CEP192: variants seen among roughly 807,000 people sequenced by gnomAD.
The protein encoded by CEP192 is centrosomal protein of 192 kDa.
In CEP192, 151 loss-of-function variants were observed where a neutral mutation model predicts 271.8. The observed-to-expected ratio is 0.56, with a 90% CI of 0.49 to 0.64. The LOEUF (loss-of-function observed/expected upper bound fraction) is 0.64, where lower values mean the gene tolerates loss of function less well. Ranked by LOEUF, CEP192 falls within the 30% of genes least tolerant of loss-of-function variation. CEP192 has a pLI of 0.00. For synonymous variants in CEP192, 995 were observed against 1,076.5 expected (o/e 0.92, Z 1.48); for missense variants, 2,910 against 3,020.5 (o/e 0.96, Z 0.86).
At chr18:13,025,704 T>C (rs2035257047) in intron 9 of CEP192, among the ~76,000 whole-genome samples, 1 of 152,224 alleles carries the variant, frequency 6.6e-6, no homozygotes, top group Admixed American at 6.5e-5. Context: ...GTAATGATAA[T>C]AACAAAATAT....
chr18:13,012,737 G>A (rs1279726309), intron 4 of CEP192, among the ~76,000 whole-genome samples: 1 of 152,126 alleles, frequency 6.6e-6, no homozygotes, highest in Non-Finnish European at 1.5e-5. Context: ...GCAAAAGTTA[G>A]CTGTAAAGTC....
chr18:13,124,459 TTTGTG>T (rs2040813902), intron 44 of CEP192, 168 bp from the exon 45 acceptor site: 2 of 544,016 alleles, frequency 3.7e-6, no homozygotes, highest in Non-Finnish European at 6.1e-6. Context: ...TTTTCTCTCC[TTTGTG>T]TTATTTTCTC....
intron 42 of CEP192, among the ~76,000 whole-genome samples, chr18:13,116,061 C>T (rs749846237): frequency 2.0e-5 from 3 of 152,142 alleles, no homozygotes; most frequent in Non-Finnish European, 4.4e-5. Context: ...TAGTGAAGTA[C>T]AGTCGGTACT....
At chr18:13,087,387 A>G (rs1421432076) in intron 31 of CEP192, 110 bp downstream of exon 31, 40 of 1,092,732 alleles carry the variant, frequency 3.7e-5, no homozygotes, top group Middle Eastern at 3.1e-4. Flanking sequence ...ATGTAGGAAT[A>G]GAAGTACTTA....
At chr18:13,121,987 TC>T (rs1267413536) in intron 44 of CEP192, among the ~76,000 whole-genome samples, 3 of 152,252 alleles carry the variant, frequency 2.0e-5, no homozygotes, top group African/African-American at 7.2e-5. Context: ...TGGAAACTGT[TC>T]CTTTAAAAAA....
At chr18:13,014,980 C>G (rs2145928795) in intron 5 of CEP192, among the ~76,000 whole-genome samples, 1 of 152,300 alleles carries the variant, frequency 6.6e-6, no homozygotes, top group Non-Finnish European at 1.5e-5. Flanking sequence ...GCTGCCTGGT[C>G]TAGCTTTGCT....
At position 13,030,464 on chromosome 18, in the gene CEP192, G is replaced by A. The variant is rs748393007; in HGVS notation, c.1391-1G>A. The A allele has an allele frequency of 1.3e-6, 2 of 1,560,110 alleles. No individual in the cohort carries two copies. The highest frequency in any genetic ancestry group is 1.7e-6 in the Non-Finnish European group (2 of 1,152,344). On this transcript the variant is annotated splice_acceptor_variant, in intron 10 of 44. Transcript: ENST00000506447. LOFTEE classifies it high-confidence loss of function. ...GATATTTTGGGAATTTTATTTTTTA[G>A]AAACAGATCTCCCACAGAGTGTGGT...
At chr18:13,030,143 A>G (rs1401661210) in intron 10 of CEP192, 141 bp downstream of exon 10, 2 of 715,172 alleles carry the variant, frequency 2.8e-6, no homozygotes, top group East Asian at 2.7e-5. Context: ...TTTTAAATCT[A>G]CTTGTACAGG....
chr18:13,117,382 A>T (rs1421975315), intron 43 of CEP192, among the ~76,000 whole-genome samples: 3 of 152,016 alleles, frequency 2.0e-5, no homozygotes, highest in Admixed American at 6.6e-5. Flanking sequence ...GACAACCTTT[A>T]CTTTAGTTAA....
At chr18:13,115,855 A>G (rs1367206996) in intron 42 of CEP192, among the ~76,000 whole-genome samples, 7 of 152,042 alleles carry the variant, frequency 4.6e-5, no homozygotes, top group Non-Finnish European at 1.5e-5. Flanking sequence ...GTGCCGAGCT[A>G]GGTGTGAGGG....
At chr18:13,049,957 T>G (rs572386583) in intron 17 of CEP192, 66 bp downstream of exon 17, 6 of 972,138 alleles carry the variant, frequency 6.2e-6, no homozygotes, top group South Asian at 1.7e-5. Context: ...GGGAAAAAAA[T>G]GTGTAAAGAA....
intron 2 of CEP192, among the ~76,000 whole-genome samples, chr18:13,000,868 G>T (rs1007273571): frequency 2.6e-5 from 4 of 152,152 alleles, no homozygotes; most frequent in African/African-American, 9.7e-5. Flanking sequence ...CAGGAGAATC[G>T]CTTGAACCCG....
chr18:13,092,040 G>A (rs1297182172), intron 33 of CEP192, among the ~76,000 whole-genome samples: 1 of 152,126 alleles, frequency 6.6e-6, no homozygotes, highest in African/African-American at 2.4e-5. Context: ...TATCTACAAA[G>A]GCATTCTTAT....
chr18:13,013,294 C>T (rs2034465693), intron 5 of CEP192, among the ~76,000 whole-genome samples: 1 of 152,044 alleles, frequency 6.6e-6, no homozygotes, highest in Admixed American at 6.5e-5. Flanking sequence ...GTACAGGCTT[C>T]ATCTAGAATG....
chr18:13,002,402 A>G (rs779660871), intron 3 of CEP192, among the ~76,000 whole-genome samples: 1 of 152,220 alleles, frequency 6.6e-6, no homozygotes, highest in Non-Finnish European at 1.5e-5. Context: ...GTTAATGACT[A>G]TACTCAGGTC....
At position 13,064,394 on chromosome 18, in the gene CEP192, C is replaced by T. The variant is rs552536306; in HGVS notation, c.4489-3437C>T. Among the ~76,000 whole-genome samples the T allele has an allele frequency of 4.9e-3, 751 of 151,778 alleles. 5 individuals carry two copies. The highest frequency in any genetic ancestry group is 7.6e-3 in the Non-Finnish European group (513 of 67,898). ...TTGAGAGGCCAAGGCAGGTGGATCACGAGGTCAGGAGATTGAGACCATCCT... is the reference window on the plus strand; with the variant it reads ...TTGAGAGGCCAAGGCAGGTGGATCATGAGGTCAGGAGATTGAGACCATCCT... On this transcript the variant is annotated intron_variant, in intron 21 of 44. Coordinates refer to ENST00000506447, the MANE Select transcript of CEP192 (RefSeq NM_032142.4).
At chr18:13,057,543 T>A (rs537599923) in intron 19 of CEP192, 42 bp from the exon 20 acceptor site, 1 of 1,600,782 alleles carries the variant, frequency 6.2e-7, no homozygotes, top group Non-Finnish European at 8.5e-7. Context: ...ATCAGGGGTT[T>A]GCTGTAACTT....
chr18:12,994,684 G>A (rs2033102985), intron 1 of CEP192, among the ~76,000 whole-genome samples: 1 of 152,180 alleles, frequency 6.6e-6, no homozygotes, highest in Non-Finnish European at 1.5e-5. Context: ...ACCAGTAGAT[G>A]TGTTTTGTTT....
At position 13,012,422 on chromosome 18, in the gene CEP192, A is replaced by G. The variant is rs146033005; in HGVS notation, c.467-551A>G. On this transcript the variant is annotated intron_variant, in intron 4 of 44. Coordinates refer to ENST00000506447, the MANE Select transcript of CEP192 (RefSeq NM_032142.4). ...TAAAATTTTTAGATGCCATTTGTGC[A>G]TATTTCAGTATGCATCTCCAAAAGT... 2.0e-3 allele frequency among the ~76,000 whole-genome samples: 297 copies of G among 152,294 alleles called. 1 individual carries two copies. Among genetic ancestry groups the G allele is most frequent in the Non-Finnish European group, 2.9e-3 (195 of 68,012 alleles).
Sources: gnomAD v4.1 joint callset for allele counts (sites outside exome capture counted in the v4.1 genomes callset) on GRCh38, gnomAD v4.1.1 for gene constraint, MANE v1.5 for transcripts, NCBI Gene and HGNC (gene_info 2026-07-23, HGNC 2026-07-21) for gene names.